CNTRL: variants seen among roughly 807,000 people sequenced by gnomAD.
CNTRL encodes 110 kDa centrosomal protein.
In CNTRL, 233 loss-of-function variants were observed where a neutral mutation model predicts 303.7. The ratio of observed to expected loss-of-function variants is 0.77; its 90% CI spans 0.69 to 0.86. The LOEUF is 0.86. Among genes scored for constraint, CNTRL ranks in the 40% least tolerant of loss-of-function variants. CNTRL has a pLI of 0.00. For missense variants in CNTRL, 2,524 were observed against 2,650.6 expected, an observed-to-expected ratio of 0.95 and a Z score of 1.05; for synonymous variants, 900 against 922.2, an observed-to-expected ratio of 0.98 and a Z score of 0.44.
At chr9:121,099,105 C>G (rs1000250022) in intron 7 of CNTRL, among the ~76,000 whole-genome samples, 1 of 152,216 alleles carries the variant, frequency 6.6e-6, no homozygotes. Flanking sequence ...TGAGAATGGA[C>G]AGACTGCCTC....
At position 121,169,635 on chromosome 9, in the gene CNTRL, A is replaced by T; in HGVS notation, c.6095A>T (p.Gln2032Leu). 1 of 1,614,208 alleles carries T rather than the reference A, an allele frequency of 6.2e-7. No individual in the cohort carries two copies. Among genetic ancestry groups the T allele is most frequent in the Non-Finnish European group, 8.5e-7 (1 of 1,180,020 alleles). Residue 2032 changes from glutamine to leucine, a missense_variant, in exon 39 of 44, where the codon CAG (glutamine) becomes CTG (leucine). Coordinates refer to ENST00000373855, the MANE Select transcript of CNTRL (RefSeq NM_007018.6). ...GAACGGCAGCTTTCAGAAAGGGAGC[A>T]GCAATTGGTGGAGAAATCAGGTGAG... ...QTKRQLSERE[Q>L]QLVEKSGELL...
At chr9:121,135,529 T>C (rs779187718) in intron 14 of CNTRL, among the ~76,000 whole-genome samples, 2 of 152,210 alleles carry the variant, frequency 1.3e-5, no homozygotes, top group Non-Finnish European at 2.9e-5. Context: ...TCTTCCTCCT[T>C]ATGTTTTTAG....
At chr9:121,112,878 TA>T (rs2049810180) in intron 9 of CNTRL, among the ~76,000 whole-genome samples, 1 of 152,186 alleles carries the variant, frequency 6.6e-6, no homozygotes, top group Non-Finnish European at 1.5e-5. Flanking sequence ...TCAGCTCCTT[TA>T]AATCCAGACT....
intron 20 of CNTRL, among the ~76,000 whole-genome samples, chr9:121,144,580 A>G (rs1292830242): frequency 6.6e-6 from 1 of 152,216 alleles, no homozygotes; most frequent in East Asian, 1.9e-4. Flanking sequence ...GCCCAGAGAG[A>G]CATAATCATG....
chr9:121,171,678 T>G, intron 40 of CNTRL, 130 bp downstream of exon 40: 4 of 947,842 alleles, frequency 4.2e-6, no homozygotes, highest in South Asian at 7.3e-5. Flanking sequence ...GTTCTTTAAG[T>G]CAAATCTGGT....
intron 7 of CNTRL, 136 bp downstream of exon 7, chr9:121,098,708 C>T: frequency 1.5e-6 from 1 of 655,814 alleles, no homozygotes. Flanking sequence ...ATCAATTCAA[C>T]AAATATTTAC....
chr9:121,121,830 C>T (rs1027479751), intron 12 of CNTRL: 8 of 985,230 alleles, frequency 8.1e-6, no homozygotes, highest in Non-Finnish European at 9.6e-6. Context: ...GAGGCGCTTG[C>T]AAAAATGTGG....
intron 34 of CNTRL, among the ~76,000 whole-genome samples, chr9:121,163,470 G>T (rs540552455): frequency 1.6e-3 from 245 of 151,606 alleles, no homozygotes; most frequent in South Asian, 5.8e-3. Context: ...AAAAATTCTT[G>T]GTATGACACC....
intron 4 of CNTRL, among the ~76,000 whole-genome samples, chr9:121,094,120 A>AC (rs1588081446): frequency 2.7e-5 from 2 of 72,888 alleles, no homozygotes; most frequent in Admixed American, 1.7e-4. Context: ...CCCCCTCCCC[A>AC]CCCCCGCAAA....
chr9:121,093,155 T>C (rs906931574), intron 4 of CNTRL, among the ~76,000 whole-genome samples: 4 of 152,104 alleles, frequency 2.6e-5, no homozygotes, highest in African/African-American at 4.8e-5. Flanking sequence ...AACAAGAACT[T>C]TGTTTTCTTT....
At chr9:121,151,387 C>CTTTTTTTTTTTTTTT (rs71370632) in intron 25 of CNTRL, among the ~76,000 whole-genome samples, 1 of 90,430 alleles carries the variant, frequency 1.1e-5, no homozygotes, top group Non-Finnish European at 2.0e-5. Flanking sequence ...TTTTCTTCTT[C>CTTTTTTTTTTTTTTT]TTTTTTTTTT....
rs368751338 is a variant in CNTRL, at chr9:121,168,324, A to G, written c.6070+3A>G. 2.5e-6 allele frequency: 4 copies of G among 1,612,610 alleles called. No individual in the cohort carries two copies. The highest frequency in any genetic ancestry group is 2.7e-5 in the African/African-American group (2 of 74,886). ...GGAGAAGACACTCTCCCAAACTAGTATGTATTCTGGAACTTCTCACTGGGA... is the reference window on the plus strand; with the variant it reads ...GGAGAAGACACTCTCCCAAACTAGTGTGTATTCTGGAACTTCTCACTGGGA... On this transcript the variant is annotated splice_donor_region_variant and intron_variant, in intron 38 of 43. Coordinates refer to ENST00000373855, the MANE Select transcript of CNTRL (RefSeq NM_007018.6).
intron 12 of CNTRL, among the ~76,000 whole-genome samples, chr9:121,120,929 T>C (rs1160376321): frequency 1.3e-5 from 2 of 152,216 alleles, no homozygotes; most frequent in South Asian, 2.1e-4. Flanking sequence ...AGAGGACATC[T>C]CTTTTAAGTT....
At chr9:121,176,568 G>A (rs2053533011) in intron 43 of CNTRL, among the ~76,000 whole-genome samples, 2 of 152,190 alleles carry the variant, frequency 1.3e-5, no homozygotes, top group African/African-American at 4.8e-5. Flanking sequence ...TGAGAGAAGA[G>A]TAGAGTGCAC....
At chr9:121,099,796 A>G (rs2049059260) in intron 7 of CNTRL, among the ~76,000 whole-genome samples, 2 of 152,230 alleles carry the variant, frequency 1.3e-5, no homozygotes, top group Admixed American at 6.5e-5. Flanking sequence ...ATCAACTGGA[A>G]GAAAGAATAT....
intron 17 of CNTRL, 72 bp downstream of exon 17, chr9:121,140,858 T>C: frequency 1.4e-6 from 2 of 1,412,650 alleles, no homozygotes; most frequent in Middle Eastern, 1.8e-4. Context: ...TGAGGTTCAA[T>C]GATAAACTCA....
Position 121,092,721 on chromosome 9 carries a change from CT to C in CNTRL, c.349-2166del, listed in dbSNP as rs1343252365. 5.0e-4 allele frequency among the ~76,000 whole-genome samples: 5 copies of C among 10,076 alleles called. 2 individuals are homozygous for C. Among genetic ancestry groups the C allele is most frequent in the African/African-American group, 1.2e-3 (5 of 4,064 alleles). The allele number at this position is 10,076 out of a possible 152,430, so 6.6% of individuals were successfully genotyped here. ...ATATATCTATATATATAATATATAT[CT>C]ATATATATATAATATATATCTATAT... is the stretch of plus-strand genomic sequence containing the variant. On this transcript the variant is annotated intron_variant, in intron 4 of 43. Transcript: ENST00000373855.
intron 43 of CNTRL, 46 bp from the exon 44 acceptor site, chr9:121,177,117 T>A (rs1480801305): frequency 1.3e-6 from 2 of 1,546,020 alleles, no homozygotes; most frequent in South Asian, 1.1e-5. Context: ...AGACTGTTTT[T>A]ACTGTTTCAA....
chr9:121,096,582 C>T lies in CNTRL; in HGVS notation c.621+19C>T. ...ATCATCGGTAAGTTATTCAAAATAG[C>T]AGGAATTTTTAGACTTGTTAAAAAA... On this transcript the variant is annotated intron_variant, in intron 6 of 43. Transcript: ENST00000373855. 1 of 1,402,972 alleles carries T rather than the reference C, an allele frequency of 7.1e-7. No individual in the cohort carries two copies. Among genetic ancestry groups the T allele is most frequent in the Non-Finnish European group, 9.4e-7 (1 of 1,064,806 alleles). The allele number at this position is 1,402,972 out of a possible 1,614,324, so 86.9% of individuals were successfully genotyped here.
Sources: gnomAD v4.1 joint callset for allele counts (sites outside exome capture counted in the v4.1 genomes callset) on GRCh38, gnomAD v4.1.1 for gene constraint, MANE v1.5 for transcripts, NCBI Gene and HGNC (gene_info 2026-07-23, HGNC 2026-07-21) for gene names.